The following ZNF808 variants were observed in gnomAD, a reference collection of about 807,000 sequenced individuals.
ZNF808 encodes zinc finger protein 808.
ZNF808 carries 5 observed loss-of-function variants against 8.7 expected under a neutral mutation model. The observed-to-expected ratio is 0.58, with a 90% confidence interval of 0.30 to 1.21. The LOEUF is 1.21. Among genes scored for constraint, ZNF808 ranks in the 50% most tolerant of loss-of-function variants. ZNF808 has a pLI of 0.07. For missense variants in ZNF808, 1,103 were observed against 1,098.4 expected (o/e 1.00, Z -0.06); for synonymous variants, 380 against 366.0 (o/e 1.04, Z -0.44).
chr19:52,557,270 CTTTT>C (rs770756121), downstream of ZNF808, among the ~76,000 whole-genome samples: 1 of 142,120 alleles, frequency 7.0e-6, no homozygotes, highest in Non-Finnish European at 1.5e-5. Flanking sequence ...TGCCCCGCCT[CTTTT>C]TTTTTTTTTG....
chr19:52,541,821 CTG>C (rs1188656576), intron 2 of ZNF808, among the ~76,000 whole-genome samples: 1 of 152,152 alleles, frequency 6.6e-6, no homozygotes, highest in Non-Finnish European at 1.5e-5. Flanking sequence ...CTCTACAATC[CTG>C]TGTCCAGTTG....
At chr19:52,563,109 T>G (rs2059863142) in intron 3 of ZNF808, among the ~76,000 whole-genome samples, 2 of 152,112 alleles carry the variant, frequency 1.3e-5, no homozygotes, top group African/African-American at 4.8e-5. Flanking sequence ...TGCTGTGTAT[T>G]TACTTGAACT....
At chr19:52,528,566 AG>A (rs2059531852) in intron 1 of ZNF808, among the ~76,000 whole-genome samples, 1 of 152,178 alleles carries the variant, frequency 6.6e-6, no homozygotes, top group Admixed American at 6.6e-5. Context: ...GAGAAAAGCT[AG>A]ATGTACACAG....
chr19:52,547,763 A>G (rs1395070137), intron 4 of ZNF808, 125 bp downstream of exon 4: 5 of 1,311,478 alleles, frequency 3.8e-6, no homozygotes, highest in Non-Finnish European at 3.0e-6. Context: ...TTTTTTTGAC[A>G]TGGAGTTTTG....
Position 52,555,360 on chromosome 19 carries a change from C to T in ZNF808, c.2444C>T (p.Ala815Val), listed in dbSNP as rs374120983. ...GCAAGACATATTAGAATTCACACTG[C>T]AGAGAAACCTTACAAGTGTAATGAA... ...YLARHIRIHT[A>V]EKPYKCNECG... Residue 815 changes from alanine to valine, a missense_variant, in exon 5 of 5, where the codon GCA (alanine) becomes GTA (valine). Transcript: ENST00000359798. 6.2e-7 allele frequency: 1 copy of T among 1,614,052 alleles called. No individual in the cohort carries two copies. Among genetic ancestry groups the T allele is most frequent in the Non-Finnish European group, 8.5e-7 (1 of 1,180,000 alleles).
intron 1 of ZNF808, among the ~76,000 whole-genome samples, chr19:52,528,821 T>C (rs368012957): frequency 6.6e-6 from 1 of 151,460 alleles, no homozygotes; most frequent in Non-Finnish European, 1.5e-5. Context: ...CAGAGATGGG[T>C]GAAGAGGCAG....
downstream of ZNF808, among the ~76,000 whole-genome samples, chr19:52,566,023 A>G (rs1168851687): frequency 6.6e-6 from 1 of 152,218 alleles, no homozygotes; most frequent in Non-Finnish European, 1.5e-5. Context: ...AAGATAGAAT[A>G]AGGAAAAAAT....
At chr19:52,548,997 G>A (rs2123165180) in intron 4 of ZNF808, among the ~76,000 whole-genome samples, 1 of 151,676 alleles carries the variant, frequency 6.6e-6, no homozygotes, top group East Asian at 2.0e-4. Flanking sequence ...TTTTAAGATG[G>A]AATATTGCTC....
chr19:52,529,660 G>A (rs2059542515), intron 1 of ZNF808, among the ~76,000 whole-genome samples: 1 of 152,076 alleles, frequency 6.6e-6, no homozygotes, highest in Non-Finnish European at 1.5e-5. Context: ...GGATTGGGAG[G>A]ATGTGGGGTA....
chr19:52,548,008 G>A (rs1426178618), intron 4 of ZNF808, among the ~76,000 whole-genome samples: 2 of 152,054 alleles, frequency 1.3e-5, no homozygotes, highest in Admixed American at 6.6e-5. Flanking sequence ...CAAAATGCTG[G>A]GATTACAGGC....
At chr19:52,549,672 T>A (rs577977157) in intron 4 of ZNF808, among the ~76,000 whole-genome samples, 153 of 152,156 alleles carry the variant, frequency 1.0e-3, no homozygotes, top group African/African-American at 3.6e-3. Flanking sequence ...AGTTTACTCC[T>A]ACATGCCCAT....
In ZNF808 at chr19:52,554,211, G is replaced by A; in HGVS notation, c.1295G>A (p.Cys432Tyr). 6.2e-6 allele frequency: 10 copies of A among 1,613,752 alleles called. No homozygotes were observed. Among genetic ancestry groups the A allele is most frequent in the Non-Finnish European group, 5.9e-6 (7 of 1,179,728 alleles). ...GAGAAACCTTACAAATGTGAAGAAT[G>A]TGACAAAGTTTTCAGTCAGAAATCA... Reference protein sequence around the residue: ...TGEKPYKCEECDKVFSQKSTL... With the variant: ...TGEKPYKCEEYDKVFSQKSTL... The change falls in exon 5 of 5, where the codon TGT (cysteine) becomes TAT (tyrosine). Residue 432 changes from cysteine to tyrosine, a missense_variant. Transcript: ENST00000359798.
chr19:52,537,198 G>A (rs2059621474), intron 2 of ZNF808, among the ~76,000 whole-genome samples: 1 of 140,520 alleles, frequency 7.1e-6, no homozygotes, highest in Non-Finnish European at 1.5e-5. Context: ...AAAAAAAAGC[G>A]GTTAAATAAG....
chr19:52,539,632 C>T (rs1327016093), intron 2 of ZNF808, among the ~76,000 whole-genome samples: 2 of 132,978 alleles, frequency 1.5e-5, no homozygotes, highest in African/African-American at 5.8e-5. Context: ...TTGCTCACTG[C>T]AACCTTTGCC....
chr19:52,536,344 C>A (rs909087484), intron 2 of ZNF808, among the ~76,000 whole-genome samples: 22 of 152,212 alleles, frequency 1.4e-4, no homozygotes, highest in African/African-American at 5.1e-4. Context: ...TTAAAGTCCC[C>A]GACCCGCGAG....
downstream of ZNF808, among the ~76,000 whole-genome samples, chr19:52,560,114 T>C (rs111690558): frequency 5.1e-3 from 776 of 152,198 alleles, 5 homozygotes; most frequent in African/African-American, 0.017. Flanking sequence ...GGTGGGTGAA[T>C]CACAAGGTCA....
In ZNF808 at chr19:52,555,962, A is replaced by G. The variant is rs2059832699; in HGVS notation, c.*334A>G. The G allele has an allele frequency of 1.6e-6, 1 of 640,848 alleles. No homozygotes were observed. Among genetic ancestry groups the G allele is most frequent in the African/African-American group, 1.8e-5 (1 of 55,552 alleles). 39.7% of individuals were successfully genotyped at this position (640,848 alleles called of 1,614,324 possible). A position where few individuals can be genotyped will look rare whatever the true frequency, so the allele number is the denominator to read the frequency against. On this transcript the variant is annotated 3_prime_UTR_variant, in exon 5 of 5. Coordinates refer to ENST00000359798, the MANE Select transcript of ZNF808 (RefSeq NM_001039886.4). ...TCCATACTGGACAGAAATCTTGCAA[A>G]TGTCATCAGTGTGGCAAGGTCTTCA...
At chr19:52,567,677 A>G (rs2059876299), downstream of ZNF808, among the ~76,000 whole-genome samples, 1 of 151,334 alleles carries the variant, frequency 6.6e-6, no homozygotes, top group Non-Finnish European at 1.5e-5. Flanking sequence ...GGCTCATGCC[A>G]CCACTCCAGG....
chr19:52,530,940 G>A (rs1388061333), intron 1 of ZNF808, among the ~76,000 whole-genome samples: 1 of 152,068 alleles, frequency 6.6e-6, no homozygotes, highest in Non-Finnish European at 1.5e-5. Context: ...TCACACTACT[G>A]CACTCCAGCC....
Sources: gnomAD v4.1 joint callset for allele counts (sites outside exome capture counted in the v4.1 genomes callset) on GRCh38, gnomAD v4.1.1 for gene constraint, MANE v1.5 for transcripts, NCBI Gene and HGNC (gene_info 2026-07-23, HGNC 2026-07-21) for gene names.